The following FLI1 variants were observed in gnomAD, a reference collection of about 807,000 sequenced individuals.
FLI1 encodes Friend leukemia integration 1 transcription factor.
FLI1 carries 13 observed loss-of-function variants against 53.1 expected under a neutral mutation model. That is an observed-to-expected ratio of 0.24 (90% confidence interval 0.16 to 0.39). The LOEUF is 0.39. Ranked by LOEUF, FLI1 falls within the 10% of genes least tolerant of loss-of-function variation. FLI1 has a pLI of 1.00. For missense variants in FLI1, 424 were observed against 600.5 expected, an observed-to-expected ratio of 0.71 and a Z score of 3.07; for synonymous variants, 244 against 236.7, an observed-to-expected ratio of 1.03 and a Z score of -0.28.
At chr11:128,757,270 A>G (rs1940930596) in intron 1 of FLI1, among the ~76,000 whole-genome samples, 1 of 151,934 alleles carries the variant, frequency 6.6e-6, no homozygotes, top group South Asian at 2.1e-4. Flanking sequence ...TTAATCCATG[A>G]TCTCCCAAAG....
rs930543754 is a variant in FLI1 at position 128,758,151 on chromosome 11, T to A, written c.55T>A (p.Phe19Ile). The change falls in exon 2 of 9, where the codon TTT becomes ATT. Residue 19 changes from phenylalanine (F) to isoleucine (I), a missense_variant. Phe to Ile is a conservative substitution (Grantham distance 21, BLOSUM62 0). This residue lies in a region of FLI1 where 137 missense variants were observed against 169.1 expected (regional missense o/e 0.81). Transcript: ENST00000527786. ...LSVVSDDQSL[F>I]DSAYGAAAHL... ...GGTGGTGAGCGACGACCAGTCCCTC[T>A]TTGACTCAGCGTACGGAGCGGCAGC... The A allele has an allele frequency of 6.2e-7, 1 of 1,613,424 alleles. No individual in the cohort carries two copies. The highest frequency in any genetic ancestry group is 1.3e-5 in the African/African-American group (1 of 74,898).
At chr11:128,716,750 C>T (rs1939032505) in intron 1 of FLI1, among the ~76,000 whole-genome samples, 1 of 152,188 alleles carries the variant, frequency 6.6e-6, no homozygotes. Flanking sequence ...AGCCTGGCCA[C>T]AGGGCTCTGC....
At position 128,811,835 on chromosome 11, in the gene FLI1, T is replaced by A. The variant is rs1421312639; in HGVS notation, c.*847T>A. On this transcript the variant is annotated 3_prime_UTR_variant, in exon 9 of 9. Transcript: ENST00000527786. ...ACCAATCAGAAGGCAACTTACTGTATAAATTATGCAGAGTTATTTTCCTAT... is the reference window on the plus strand; with the variant it reads ...ACCAATCAGAAGGCAACTTACTGTAAAAATTATGCAGAGTTATTTTCCTAT... 5.0e-6 allele frequency: 1 copy of A among 199,938 alleles called. No individual in the cohort carries two copies. Among genetic ancestry groups the A allele is most frequent in the Non-Finnish European group, 1.0e-5 (1 of 96,762 alleles). 12.4% of individuals were successfully genotyped at this position (199,938 alleles called of 1,614,324 possible). A position where few individuals can be genotyped will look rare whatever the true frequency, so the allele number is the denominator to read the frequency against.
At chr11:128,729,491 AT>A (rs1939610815) in intron 1 of FLI1, among the ~76,000 whole-genome samples, 1 of 152,178 alleles carries the variant, frequency 6.6e-6, no homozygotes, top group Non-Finnish European at 1.5e-5. Context: ...GATGCTTTGC[AT>A]TTAAAGAGGT....
intron 1 of FLI1, among the ~76,000 whole-genome samples, chr11:128,704,814 G>C (rs1185074482): frequency 1.3e-5 from 2 of 152,232 alleles, no homozygotes; most frequent in Non-Finnish European, 1.5e-5. Context: ...CTAAGAGAAA[G>C]AGATGCTCAT....
At chr11:128,777,295 GT>G (rs1297713512) in intron 4 of FLI1, among the ~76,000 whole-genome samples, 24 of 151,866 alleles carry the variant, frequency 1.6e-4, no homozygotes, top group African/African-American at 5.8e-4. Context: ...CCTTTTTTAA[GT>G]TTTACAAACA....
chr11:128,720,651 G>A (rs1939214488), intron 1 of FLI1, among the ~76,000 whole-genome samples: 1 of 152,190 alleles, frequency 6.6e-6, no homozygotes, highest in Admixed American at 6.5e-5. Flanking sequence ...CCTGCTACCA[G>A]GAGGCCTCTT....
intron 1 of FLI1, among the ~76,000 whole-genome samples, chr11:128,732,674 C>T (rs940525796): frequency 3.3e-5 from 5 of 152,218 alleles, no homozygotes; most frequent in African/African-American, 1.2e-4. Context: ...CACTTTTTTA[C>T]ATGACATTTA....
chr11:128,798,448 C>T (rs1238076414), intron 5 of FLI1, among the ~76,000 whole-genome samples: 3 of 152,204 alleles, frequency 2.0e-5, no homozygotes, highest in East Asian at 1.9e-4. Flanking sequence ...TGCCACTTCA[C>T]TCTCCACGCT....
intron 1 of FLI1, among the ~76,000 whole-genome samples, chr11:128,687,237 G>A (rs1448168904): frequency 1.3e-5 from 2 of 151,982 alleles, no homozygotes; most frequent in African/African-American, 4.8e-5. Flanking sequence ...AGCGCAGATT[G>A]CTATATTTGA....
chr11:128,715,334 A>G (rs1227368827), intron 1 of FLI1, among the ~76,000 whole-genome samples: 1 of 152,168 alleles, frequency 6.6e-6, no homozygotes, highest in East Asian at 1.9e-4. Flanking sequence ...ACATGCCTCC[A>G]CCCCTTTTCC....
intron 4 of FLI1, among the ~76,000 whole-genome samples, chr11:128,780,284 A>T (rs1487987392): frequency 1.3e-5 from 2 of 152,198 alleles, no homozygotes; most frequent in African/African-American, 4.8e-5. Flanking sequence ...GCAGAGCTAG[A>T]ACTAACAGTC....
At chr11:128,743,135 C>G (rs1940209688) in intron 1 of FLI1, among the ~76,000 whole-genome samples, 1 of 152,066 alleles carries the variant, frequency 6.6e-6, no homozygotes. Flanking sequence ...TGCCCGTAAT[C>G]CTATCACTTT....
chr11:128,752,796 T>A (rs1940707027), intron 1 of FLI1, among the ~76,000 whole-genome samples: 1 of 152,222 alleles, frequency 6.6e-6, no homozygotes, highest in South Asian at 2.1e-4. Context: ...GTGCTGTGAT[T>A]ATTACCACTT....
intron 2 of FLI1, among the ~76,000 whole-genome samples, chr11:128,767,597 C>T (rs189426943): frequency 2.1e-4 from 32 of 152,348 alleles, no homozygotes; most frequent in African/African-American, 6.3e-4. Context: ...ACTGAGAAAG[C>T]ATTTGCTGCT....
intron 1 of FLI1, chr11:128,686,812 G>A (rs967545363): frequency 1.2e-5 from 3 of 243,854 alleles, no homozygotes; most frequent in Middle Eastern, 1.7e-3. Context: ...GTGGAAGTGG[G>A]CCCTACTCTC....
intron 4 of FLI1, among the ~76,000 whole-genome samples, chr11:128,776,738 A>G (rs1795703162): frequency 6.6e-6 from 1 of 152,162 alleles, no homozygotes; most frequent in African/African-American, 2.4e-5. Flanking sequence ...CAGCTTCAGA[A>G]ATTGGTTCAA....
intron 4 of FLI1, 93 bp from the exon 5 acceptor site, chr11:128,781,865 C>A: frequency 1.0e-6 from 1 of 981,252 alleles, no homozygotes; most frequent in Non-Finnish European, 1.7e-6. Context: ...CTCTCCCCAT[C>A]TCTTTCCCTT....
chr11:128,809,300 G>C, intron 8 of FLI1, 96 bp downstream of exon 8: 1 of 1,027,462 alleles, frequency 9.7e-7, no homozygotes, highest in Non-Finnish European at 1.5e-6. Flanking sequence ...ACACCTGAGT[G>C]GGGAGTAACA....
Sources: gnomAD v4.1 joint callset for allele counts (sites outside exome capture counted in the v4.1 genomes callset) on GRCh38, gnomAD v4.1.1 for gene constraint, gnomAD v4.1.1 regional missense constraint, MANE v1.5 for transcripts, NCBI Gene and HGNC (gene_info 2026-07-23, HGNC 2026-07-21) for gene names.